The following PDE11A variants were observed in gnomAD, a reference collection of about 807,000 sequenced individuals.
PDE11A encodes the protein dual 3',5'-cyclic-AMP and -GMP phosphodiesterase 11A.
PDE11A carries 100 observed loss-of-function variants against 100.5 expected under a neutral mutation model. The ratio of observed to expected loss-of-function variants is 1.00; its 90% confidence interval spans 0.85 to 1.18. The LOEUF is 1.18. Among genes scored for constraint, PDE11A ranks in the 50% most tolerant of loss-of-function variants. The pLI, the probability that PDE11A is intolerant of heterozygous loss-of-function variation, is 0.00. For synonymous variants in PDE11A, 381 were observed against 420.8 expected (o/e 0.91, Z 1.16); for missense variants, 1,141 against 1,152.6 (o/e 0.99, Z 0.15).
chr2:177,716,325 G>A (rs1454072300), intron 12 of PDE11A, among the ~76,000 whole-genome samples: 2 of 152,064 alleles, frequency 1.3e-5, no homozygotes, highest in African/African-American at 2.4e-5. Context: ...TGGTATCTGA[G>A]GCCTCCAGTT....
At chr2:177,730,769 T>C (rs1026318442) in intron 10 of PDE11A, among the ~76,000 whole-genome samples, 1 of 152,194 alleles carries the variant, frequency 6.6e-6, no homozygotes, top group Non-Finnish European at 1.5e-5. Flanking sequence ...TCTCTTCTTA[T>C]AATTGGCTTC....
intron 2 of PDE11A, among the ~76,000 whole-genome samples, chr2:178,011,167 C>T (rs996299717): frequency 6.6e-6 from 1 of 152,072 alleles, no homozygotes; most frequent in Non-Finnish European, 1.5e-5. Context: ...ACTAGAAGCA[C>T]GGCATTTTAG....
chr2:178,071,813 C>T lies in PDE11A; in HGVS notation c.625G>A (p.Val209Ile), dbSNP rs763156857. 1.2e-6 allele frequency: 2 copies of T among 1,613,962 alleles called. No homozygotes were observed. Among genetic ancestry groups the T allele is most frequent in the East Asian group, 2.2e-5 (1 of 44,878 alleles). Residue 209 changes from valine (V) to isoleucine (I), a missense_variant, in exon 1 of 20, where the codon GTC becomes ATC. Val to Ile is a conservative substitution (Grantham distance 29, BLOSUM62 3). Coordinates refer to ENST00000286063, the MANE Select transcript of PDE11A (RefSeq NM_016953.4). ...HNERQFFLEL[V>I]KDISNDLDLT... ...TCAAGGTCATTGGAGATATCTTTGA[C>T]CAATTCCAGAAAGAACTGACGCTCA...
intron 5 of PDE11A, among the ~76,000 whole-genome samples, chr2:177,867,648 C>T (rs2084053771): frequency 6.6e-6 from 1 of 152,134 alleles, no homozygotes; most frequent in Non-Finnish European, 1.5e-5. Flanking sequence ...ATCACTTAAA[C>T]TCAGGAGGCA....
At chr2:177,695,126 G>A (rs948026190) in intron 15 of PDE11A, among the ~76,000 whole-genome samples, 72 of 150,830 alleles carry the variant, frequency 4.8e-4, no homozygotes, top group African/African-American at 1.7e-3. Context: ...GTGTGGGGGG[G>A]GAGGGGTATA....
chr2:177,824,481 G>A (rs1007619929), intron 6 of PDE11A, among the ~76,000 whole-genome samples: 25 of 152,190 alleles, frequency 1.6e-4, no homozygotes, highest in African/African-American at 6.0e-4. Context: ...TTAACCTGAA[G>A]GCTTTACTGC....
At chr2:178,041,366 C>A (rs1250757431) in intron 1 of PDE11A, among the ~76,000 whole-genome samples, 1 of 151,912 alleles carries the variant, frequency 6.6e-6, no homozygotes, top group Non-Finnish European at 1.5e-5. Context: ...GCCTCAGCCT[C>A]CCGAGTAGCT....
intron 1 of PDE11A, among the ~76,000 whole-genome samples, chr2:178,035,742 T>C (rs2086605624): frequency 6.6e-6 from 1 of 152,186 alleles, no homozygotes; most frequent in African/African-American, 2.4e-5. Context: ...TCAATAAATG[T>C]AATCCATCAC....
Position 177,840,386 on chromosome 2 carries a change from A to C in PDE11A, c.1368-3T>G, listed in dbSNP as rs747480000. On this transcript the variant is annotated splice_region_variant and splice_polypyrimidine_tract_variant and intron_variant, in intron 5 of 19. Transcript: ENST00000286063. The stretch of plus-strand genomic sequence containing the variant: ...ATTTCTCCATGCTTTCTTTGAAACT[A>C]TCAGAGCACCAAGGTAGGCAGGAAG... 1 of 1,613,728 alleles carries C rather than the reference A, an allele frequency of 6.2e-7. No homozygotes were observed. The highest frequency in any genetic ancestry group is 8.5e-7 in the Non-Finnish European group (1 of 1,179,608).
intron 9 of PDE11A, among the ~76,000 whole-genome samples, chr2:177,814,503 C>G (rs552310090): frequency 6.6e-6 from 1 of 152,078 alleles, no homozygotes; most frequent in African/African-American, 2.4e-5. Context: ...TGGGAGTTGG[C>G]TGAGAGTGGA....
intron 5 of PDE11A, among the ~76,000 whole-genome samples, chr2:177,865,660 A>G (rs75572843): frequency 0.011 from 1,725 of 152,342 alleles, 26 homozygotes; most frequent in East Asian, 0.075. Context: ...ATGGAATATT[A>G]TTCATCCATA....
At chr2:177,927,305 C>G (rs1252402611) in intron 2 of PDE11A, among the ~76,000 whole-genome samples, 1 of 152,146 alleles carries the variant, frequency 6.6e-6, no homozygotes, top group Non-Finnish European at 1.5e-5. Context: ...AAAAATTTGC[C>G]TTAATGTAAA....
chr2:177,894,560 G>A (rs978588879), intron 4 of PDE11A, among the ~76,000 whole-genome samples: 7 of 152,052 alleles, frequency 4.6e-5, no homozygotes, highest in East Asian at 1.9e-4. Flanking sequence ...AAGGAAAGTC[G>A]AATAGCCTCC....
intron 5 of PDE11A, among the ~76,000 whole-genome samples, chr2:177,865,205 T>C (rs986784591): frequency 3.3e-5 from 5 of 151,820 alleles, no homozygotes; most frequent in Non-Finnish European, 5.9e-5. Context: ...TTGAACCCAA[T>C]AGACAGAGGT....
At chr2:177,842,861 G>C (rs565383861) in intron 5 of PDE11A, among the ~76,000 whole-genome samples, 6 of 144,582 alleles carry the variant, frequency 4.1e-5, no homozygotes, top group African/African-American at 1.5e-4. Flanking sequence ...CTGTAAGCCT[G>C]GGACATGTTC....
At chr2:177,950,045 G>A (rs527649150) in intron 2 of PDE11A, among the ~76,000 whole-genome samples, 7 of 152,294 alleles carry the variant, frequency 4.6e-5, no homozygotes, top group African/African-American at 1.4e-4. Context: ...CTGTAGATAC[G>A]TGATCTACGT....
rs1414692971 is a variant in PDE11A at position 178,078,769 on chromosome 2, T to A, written c.162+25533A>T. Among the ~76,000 whole-genome samples, 6 of 152,220 alleles carry A rather than the reference T, an allele frequency of 3.9e-5. No individual in the cohort carries two copies. The East Asian group carries it at 1.2e-3, about 29-fold the overall frequency. On this transcript the variant is annotated intron_variant, in intron 2 of 20. Transcript: ENST00000358450. ...CGAACTTAGTAGAATATGGATAAAT[T>A]CAATATTTAAAATATTCCTTGAATC...
At chr2:177,759,175 A>G (rs1574113042) in intron 10 of PDE11A, among the ~76,000 whole-genome samples, 2 of 81,228 alleles carry the variant, frequency 2.5e-5, no homozygotes, top group South Asian at 4.5e-4. Context: ...GAGCACGTGC[A>G]CACACACACA....
intron 5 of PDE11A, among the ~76,000 whole-genome samples, chr2:177,843,814 ATGAAAAATTTTTCACATAGATGTGT>A (rs2083530550): frequency 6.6e-6 from 1 of 152,228 alleles, no homozygotes; most frequent in African/African-American, 2.4e-5. Flanking sequence ...CAAATTTCAA[ATGAAAAATTTTTCACATAGATGTGT>A]TGATAAGTTA....
Sources: gnomAD v4.1 joint callset for allele counts (sites outside exome capture counted in the v4.1 genomes callset) on GRCh38, gnomAD v4.1.1 for gene constraint, MANE v1.5 for transcripts, NCBI Gene and HGNC (gene_info 2026-07-23, HGNC 2026-07-21) for gene names.